The following DOCK1 variants were observed in gnomAD, a reference collection of about 807,000 sequenced individuals.
DOCK1 encodes the protein dedicator of cytokinesis 1, also known as dedicator of cytokinesis protein 1.
In DOCK1, 138 loss-of-function variants were observed where a neutral mutation model predicts 262.7. The observed-to-expected ratio is 0.53, with a 90% CI of 0.46 to 0.61. The LOEUF (loss-of-function observed/expected upper bound fraction) is 0.61. DOCK1 is among the 20% of genes least tolerant of loss of function. DOCK1 has a pLI of 0.00. For synonymous variants in DOCK1, 866 were observed against 867.4 expected, an observed-to-expected ratio of 1.00 and a Z score of 0.03; for missense variants, 1,908 against 2,370.7, an observed-to-expected ratio of 0.80 and a Z score of 4.05.
chr10:127,046,757 CAA>C (rs5788823), intron 21 of DOCK1, among the ~76,000 whole-genome samples: 1,192 of 73,326 alleles, frequency 0.016, 5 homozygotes, highest in African/African-American at 0.039. Context: ...CACTACGTCT[CAA>C]AAAAAAAAAA....
intron 4 of DOCK1, 113 bp downstream of exon 4, chr10:126,982,086 T>C: frequency 8.7e-7 from 1 of 1,146,990 alleles, no homozygotes. Flanking sequence ...TGTGATTGAC[T>C]CCTGGGGGAC....
At chr10:127,246,619 A>G (rs2059438965) in intron 27 of DOCK1, among the ~76,000 whole-genome samples, 1 of 152,228 alleles carries the variant, frequency 6.6e-6, no homozygotes. Flanking sequence ...CAAATAATTT[A>G]TATTTCTGGG....
intron 10 of DOCK1, among the ~76,000 whole-genome samples, chr10:127,006,651 C>T (rs58290000): frequency 0.012 from 1,790 of 152,318 alleles, 32 homozygotes; most frequent in African/African-American, 0.041. Context: ...CCTCGAGGCT[C>T]AGGATGGGTG....
At chr10:127,308,052 A>G (rs1010298862) in intron 29 of DOCK1, among the ~76,000 whole-genome samples, 2 of 152,164 alleles carry the variant, frequency 1.3e-5, no homozygotes, top group African/African-American at 4.8e-5. Flanking sequence ...CTGCTGGATG[A>G]CGTTGCTGTT....
rs539648348 is a variant in DOCK1, at chr10:127,115,210, C to G, written c.2623+4856C>G. 2.0e-5 allele frequency among the ~76,000 whole-genome samples: 3 copies of G among 152,274 alleles called. No homozygotes were observed. The East Asian group carries it at 5.8e-4, about 29-fold the overall frequency. On this transcript the variant is annotated intron_variant, in intron 25 of 51. Coordinates refer to ENST00000623213, the MANE Select transcript of DOCK1 (RefSeq NM_001290223.2). ...AGAGGTTGTGCAGAGGAGCTGATCC[C>G]CATGCTGATAAGGCATCCACCTTGG... is the stretch of plus-strand genomic sequence containing the variant.
At chr10:127,059,338 T>A (rs1185211251) in intron 22 of DOCK1, among the ~76,000 whole-genome samples, 1 of 152,188 alleles carries the variant, frequency 6.6e-6, no homozygotes, top group Non-Finnish European at 1.5e-5. Context: ...TTGATTGATA[T>A]CTTTGATCAG....
At chr10:127,366,208 T>G (rs1202286811) in intron 33 of DOCK1, among the ~76,000 whole-genome samples, 1 of 151,984 alleles carries the variant, frequency 6.6e-6, no homozygotes, top group Non-Finnish European at 1.5e-5. Flanking sequence ...TAGCGTACAT[T>G]AAAGATCTTT....
chr10:126,971,564 A>G (rs959607825), intron 2 of DOCK1, among the ~76,000 whole-genome samples: 3 of 152,048 alleles, frequency 2.0e-5, no homozygotes, highest in African/African-American at 4.8e-5. Flanking sequence ...CTACAGGTGC[A>G]TGCTGCCACA....
chr10:127,145,727 G>A (rs937860231), intron 27 of DOCK1, among the ~76,000 whole-genome samples: 1 of 152,132 alleles, frequency 6.6e-6, no homozygotes, highest in Non-Finnish European at 1.5e-5. Flanking sequence ...CTGCCTCCCT[G>A]GGCCACCAGC....
chr10:127,184,970 C>T (rs1359331222), intron 27 of DOCK1, among the ~76,000 whole-genome samples: 1 of 152,152 alleles, frequency 6.6e-6, no homozygotes, highest in Non-Finnish European at 1.5e-5. Flanking sequence ...AGTGTCTAGT[C>T]CAGCAGGAGA....
intron 23 of DOCK1, among the ~76,000 whole-genome samples, chr10:127,081,419 A>G (rs1281598713): frequency 4.0e-5 from 6 of 151,660 alleles, no homozygotes; most frequent in South Asian, 4.2e-4. Flanking sequence ...GGAGTAGACA[A>G]TGACCTTTCA....
At chr10:127,195,403 C>T (rs1033054094) in intron 27 of DOCK1, among the ~76,000 whole-genome samples, 3 of 152,148 alleles carry the variant, frequency 2.0e-5, no homozygotes, top group Non-Finnish European at 4.4e-5. Flanking sequence ...AACCCGCAGC[C>T]CCGGGAAGGT....
chr10:127,229,793 C>T (rs1047053735), intron 27 of DOCK1, among the ~76,000 whole-genome samples: 25 of 152,124 alleles, frequency 1.6e-4, no homozygotes, highest in African/African-American at 5.8e-4. Flanking sequence ...TTTAATTTTT[C>T]GAGGACCCTC....
chr10:127,158,681 A>G (rs947791983), intron 27 of DOCK1, among the ~76,000 whole-genome samples: 1 of 152,222 alleles, frequency 6.6e-6, no homozygotes, highest in African/African-American at 2.4e-5. Context: ...ACAGGTATAA[A>G]TTGTGAAAAG....
At chr10:127,406,971 GT>G (rs999637124) in intron 40 of DOCK1, among the ~76,000 whole-genome samples, 2 of 151,502 alleles carry the variant, frequency 1.3e-5, no homozygotes, top group Non-Finnish European at 2.9e-5. Context: ...AGCCTTAGAA[GT>G]TGCTCAGACT....
chr10:126,948,883 G>C (rs1438505134), intron 1 of DOCK1, among the ~76,000 whole-genome samples: 4 of 152,116 alleles, frequency 2.6e-5, no homozygotes, highest in Admixed American at 1.3e-4. Flanking sequence ...GCCTGGCCCA[G>C]GGTAGTACTG....
chr10:127,406,031 G>A (rs1207218171), intron 40 of DOCK1, among the ~76,000 whole-genome samples: 2 of 152,182 alleles, frequency 1.3e-5, no homozygotes, highest in Non-Finnish European at 2.9e-5. Flanking sequence ...GCCACTTACT[G>A]TTGCTAAAGG....
intron 27 of DOCK1, among the ~76,000 whole-genome samples, chr10:127,161,071 C>A (rs992340689): frequency 6.6e-6 from 1 of 152,208 alleles, no homozygotes; most frequent in Non-Finnish European, 1.5e-5. Context: ...TTGAGAGCCA[C>A]TCTGAGCAGT....
At chr10:126,969,233 T>TA (rs1194851662) in intron 1 of DOCK1, among the ~76,000 whole-genome samples, 2 of 152,172 alleles carry the variant, frequency 1.3e-5, no homozygotes, top group African/African-American at 4.8e-5. Flanking sequence ...AACCTGAAGA[T>TA]AGAGCAGATC....
Sources: allele counts gnomAD v4.1 joint callset (sites outside exome capture counted in the v4.1 genomes callset), GRCh38; gene constraint gnomAD v4.1.1; transcripts MANE v1.5; gene names NCBI Gene and HGNC (gene_info 2026-07-23, HGNC 2026-07-21).